Variants in QSER1 observed in about 807,000 individuals in gnomAD.
QSER1 encodes glutamine and serine-rich protein 1.
A neutral mutation model predicts 158.5 loss-of-function variants in QSER1; 49 were observed. The observed-to-expected ratio is 0.31, with a 90% CI of 0.25 to 0.39. The LOEUF (loss-of-function observed/expected upper bound fraction) is 0.39, where lower values mean the gene tolerates loss of function less well. Ranked by LOEUF, QSER1 falls within the 10% of genes least tolerant of loss-of-function variation. The pLI is 1.00. For synonymous variants in QSER1, 650 were observed against 715.5 expected, an observed-to-expected ratio of 0.91 and a Z score of 1.46; for missense variants, 1,754 against 2,010.3, an observed-to-expected ratio of 0.87 and a Z score of 2.44.
At chr11:32,902,376 G>T (rs950741053) in intron 1 of QSER1, among the ~76,000 whole-genome samples, 1 of 152,134 alleles carries the variant, frequency 6.6e-6, no homozygotes, top group Non-Finnish European at 1.5e-5. Context: ...ATAGGTCTTG[G>T]GTGGAGCTCA....
At chr11:32,906,931 A>G (rs1851702186) in intron 1 of QSER1, among the ~76,000 whole-genome samples, 1 of 152,224 alleles carries the variant, frequency 6.6e-6, no homozygotes, top group African/African-American at 2.4e-5. Context: ...AGAACTCTGA[A>G]AGATAAAGAC....
chr11:32,973,425 C>A lies in QSER1; in HGVS notation c.5234C>A (p.Thr1745Lys), dbSNP rs771196600. The A allele has an allele frequency of 6.2e-7, 1 of 1,613,526 alleles. No homozygotes were observed. Among genetic ancestry groups the A allele is most frequent in the Non-Finnish European group, 8.5e-7 (1 of 1,179,842 alleles). ...KNALESFPEL[T>K]IITRDSKAKS... The stretch of plus-strand genomic sequence containing the variant: ...GCTTTGGAAAGTTTTCCTGAACTAA[C>A]AATAATTACTCGAGATTCTAAAGCA... The change falls in exon 11 of 13, where the codon ACA becomes AAA. Residue 1745 changes from threonine to lysine, a missense_variant. Transcript: ENST00000650167.
intron 1 of QSER1, among the ~76,000 whole-genome samples, chr11:32,920,474 C>T (rs537589307): frequency 2.8e-4 from 42 of 152,214 alleles, no homozygotes; most frequent in Admixed American, 6.5e-4. Context: ...CAAGTTATTT[C>T]TTAGATATGC....
intron 1 of QSER1, among the ~76,000 whole-genome samples, chr11:32,907,546 TTGAAAAAGC>T (rs1239572082): frequency 6.6e-6 from 1 of 152,156 alleles, no homozygotes; most frequent in African/African-American, 2.4e-5. Flanking sequence ...AAAGGATACA[TTGAAAAAGC>T]TGAAAAAAAC....
At chr11:32,931,371 G>C (rs1741898925) in intron 3 of QSER1, among the ~76,000 whole-genome samples, 2 of 151,986 alleles carry the variant, frequency 1.3e-5, no homozygotes, top group African/African-American at 4.8e-5. Flanking sequence ...CTTGAGCCCA[G>C]GAGTTCAAGA....
At chr11:32,963,755 C>A (rs935741274) in intron 8 of QSER1, among the ~76,000 whole-genome samples, 3 of 152,212 alleles carry the variant, frequency 2.0e-5, no homozygotes, top group Non-Finnish European at 4.4e-5. Flanking sequence ...CCTCAAACTT[C>A]TGGCACAAGC....
In QSER1 at chr11:32,935,170, G is replaced by A. The variant is rs752536494; in HGVS notation, c.3912G>A (p.Arg1304=). Residue 1304 remains arginine (R), a synonymous_variant, in exon 4 of 13, where the codon AGG becomes AGA. Coordinates refer to ENST00000650167, the MANE Select transcript of QSER1 (RefSeq NM_001076786.3). ...FSTLAVRMPN[R]TRRPGTQMVR... ...CTCTTGCTGTACGAATGCCTAACAGGACTAGACGGCCAGGGACCCAGATGG... is the reference window on the plus strand; with the variant it reads ...CTCTTGCTGTACGAATGCCTAACAGAACTAGACGGCCAGGGACCCAGATGG... 3.4e-5 allele frequency: 55 copies of A among 1,613,914 alleles called. No individual in the cohort carries two copies. Among genetic ancestry groups the A allele is most frequent in the Non-Finnish European group, 4.4e-5 (52 of 1,179,992 alleles).
chr11:32,920,052 T>C (rs1160554660), intron 1 of QSER1, among the ~76,000 whole-genome samples: 1 of 152,190 alleles, frequency 6.6e-6, no homozygotes, highest in Non-Finnish European at 1.5e-5. Flanking sequence ...AGTACTAGAA[T>C]CAGCCATTTC....
chr11:32,963,265 C>T (rs1852660753), intron 8 of QSER1, among the ~76,000 whole-genome samples: 1 of 152,062 alleles, frequency 6.6e-6, no homozygotes, highest in African/African-American at 2.4e-5. Flanking sequence ...ATGTGATCCT[C>T]TCACCTCAGC....
intron 10 of QSER1, among the ~76,000 whole-genome samples, chr11:32,969,463 A>G (rs1374962204): frequency 1.3e-5 from 2 of 152,142 alleles, no homozygotes; most frequent in East Asian, 1.9e-4. Context: ...ACAGTTATCA[A>G]AATTCACCGT....
Position 32,935,233 on chromosome 11 carries a change from A to G in QSER1, c.3975A>G (p.Ser1325=), listed in dbSNP as rs369516507. The G allele has an allele frequency of 1.4e-5, 23 of 1,614,010 alleles. No individual in the cohort carries two copies. The highest frequency in any genetic ancestry group is 1.8e-5 in the Non-Finnish European group (21 of 1,179,922). Residue 1325 remains serine, a synonymous_variant, in exon 4 of 13, where the codon TCA becomes TCG. Coordinates refer to ENST00000650167, the MANE Select transcript of QSER1 (RefSeq NM_001076786.3). ...GTCCCCCACCACTTCCCAAGCCTTC[A>G]TCTACAACACCCACACCTTTAGTGT... ...TFCPPPLPKP[S]STTPTPLVSE...
At chr11:32,955,919 T>C in intron 6 of QSER1, 69 bp from the exon 7 acceptor site, 6 of 1,436,314 alleles carry the variant, frequency 4.2e-6, no homozygotes, top group Admixed American at 2.1e-5. Flanking sequence ...GGATAGTCAA[T>C]TGAACAAACA....
Position 32,934,616 on chromosome 11 carries a change from A to G in QSER1, c.3358A>G (p.Ser1120Gly). ...SATNLESEED[S>G]EAPVDSTLNN... ...TACCAATCTTGAATCTGAAGAAGACAGTGAAGCTCCTGTTGATAGTACATT... is the reference window on the plus strand; with the variant it reads ...TACCAATCTTGAATCTGAAGAAGACGGTGAAGCTCCTGTTGATAGTACATT... The change falls in exon 4 of 13, where the codon AGT becomes GGT. Residue 1120 changes from serine to glycine, a missense_variant. Coordinates refer to ENST00000650167, the MANE Select transcript of QSER1 (RefSeq NM_001076786.3). The G allele has an allele frequency of 6.2e-7, 1 of 1,613,748 alleles. No homozygotes were observed. The highest frequency in any genetic ancestry group is 8.5e-7 in the Non-Finnish European group (1 of 1,179,984).
At chr11:32,966,564 A>G in intron 9 of QSER1, 127 bp downstream of exon 9, 1 of 749,972 alleles carries the variant, frequency 1.3e-6, no homozygotes, top group Non-Finnish European at 2.0e-6. Context: ...AGTTAAATAT[A>G]TAGCATCTTA....
chr11:32,902,953 G>A (rs1336246763), intron 1 of QSER1, among the ~76,000 whole-genome samples: 1 of 152,190 alleles, frequency 6.6e-6, no homozygotes, highest in Non-Finnish European at 1.5e-5. Flanking sequence ...AACCCAGGAG[G>A]TGTAACTTCA....
intron 9 of QSER1, among the ~76,000 whole-genome samples, chr11:32,968,253 C>T (rs533050295): frequency 9.2e-5 from 14 of 152,028 alleles, no homozygotes; most frequent in African/African-American, 3.1e-4. Context: ...AGCTGTGAAA[C>T]TTGTGACCTG....
Position 32,979,108 on chromosome 11 carries a change from G to T in QSER1, c.*2634G>T, listed in dbSNP as rs893950036. The T allele has an allele frequency of 1.1e-4, 17 of 152,568 alleles. No homozygotes were observed. Among genetic ancestry groups the T allele is most frequent in the African/African-American group, 3.6e-4 (15 of 41,460 alleles). 9.5% of individuals were successfully genotyped at this position (152,568 alleles called of 1,614,324 possible). On this transcript the variant is annotated 3_prime_UTR_variant, in exon 13 of 13. Coordinates refer to ENST00000650167, the MANE Select transcript of QSER1 (RefSeq NM_001076786.3). ...ATAGAAAACATACAGTAAGAATATG[G>T]TATTATAATCTTACGGGACCACTGT...
chr11:32,971,657 T>C (rs1178950664), intron 10 of QSER1, among the ~76,000 whole-genome samples: 1 of 152,220 alleles, frequency 6.6e-6, no homozygotes, highest in East Asian at 1.9e-4. Context: ...TCGAACGTGA[T>C]GGTAGCTCAC....
chr11:32,965,711 C>G (rs1295044190), intron 8 of QSER1, among the ~76,000 whole-genome samples: 1 of 152,078 alleles, frequency 6.6e-6, no homozygotes, highest in African/African-American at 2.4e-5. Context: ...CTTTGGTAGG[C>G]TGAGGCAGGC....
Sources: gnomAD v4.1 joint callset for allele counts (sites outside exome capture counted in the v4.1 genomes callset) on GRCh38, gnomAD v4.1.1 for gene constraint, MANE v1.5 for transcripts, NCBI Gene and HGNC (gene_info 2026-07-23, HGNC 2026-07-21) for gene names.